The following YME1L1 variants were observed in gnomAD, a reference collection of about 807,000 sequenced individuals.
The protein encoded by YME1L1 is YME1 like 1 ATPase.
YME1L1 carries 39 observed loss-of-function variants against 90.4 expected under a neutral mutation model. The observed-to-expected ratio is 0.43, with a 90% CI of 0.33 to 0.56. The LOEUF (loss-of-function observed/expected upper bound fraction) is 0.56, where lower values mean the gene tolerates loss of function less well. Ranked by LOEUF, YME1L1 falls within the 20% of genes least tolerant of loss-of-function variation. The pLI is 0.03. For synonymous variants in YME1L1, 284 were observed against 287.3 expected (o/e 0.99, Z 0.12); for missense variants, 617 against 868.4 (o/e 0.71, Z 3.64).
chr10:27,137,644 G>A (rs1034681662), intron 4 of YME1L1, among the ~76,000 whole-genome samples: 29 of 151,894 alleles, frequency 1.9e-4, no homozygotes, highest in African/African-American at 6.8e-4. Flanking sequence ...AAGTCTGACG[G>A]GCAAAAATAA....
At chr10:27,150,907 T>C (rs1218478523) in intron 1 of YME1L1, among the ~76,000 whole-genome samples, 2 of 150,518 alleles carry the variant, frequency 1.3e-5, no homozygotes, top group Non-Finnish European at 2.9e-5. Context: ...TTTCACTTTA[T>C]AGACTCTCTC....
At chr10:27,126,079 T>TA (rs2056916402) in intron 9 of YME1L1, among the ~76,000 whole-genome samples, 1 of 152,126 alleles carries the variant, frequency 6.6e-6, no homozygotes, top group Non-Finnish European at 1.5e-5. Context: ...CTCAAATAGT[T>TA]AAAAATTTAT....
At chr10:27,141,224 C>T (rs1476601699) in intron 4 of YME1L1, among the ~76,000 whole-genome samples, 2 of 152,018 alleles carry the variant, frequency 1.3e-5, no homozygotes, top group Non-Finnish European at 2.9e-5. Context: ...GGTGAAACCC[C>T]GTCTCTACTA....
At chr10:27,148,783 G>A (rs1245753284) in intron 2 of YME1L1, 123 bp downstream of exon 2, 10 of 1,240,310 alleles carry the variant, frequency 8.1e-6, no homozygotes, top group African/African-American at 1.5e-5. Context: ...AGTTTCTCAG[G>A]AGTCAAAAAT....
chr10:27,148,839 C>T, intron 2 of YME1L1, 67 bp downstream of exon 2: 1 of 1,577,840 alleles, frequency 6.3e-7, no homozygotes, highest in Non-Finnish European at 8.6e-7. Flanking sequence ...ATCCTTAATC[C>T]TTCATTTGTT....
chr10:27,131,981 A>T, intron 7 of YME1L1, 40 bp from the exon 8 acceptor site: 1 of 1,514,880 alleles, frequency 6.6e-7, no homozygotes, highest in Non-Finnish European at 9.0e-7. Flanking sequence ...TGATAGATTA[A>T]TAACATTCCA....
intron 4 of YME1L1, among the ~76,000 whole-genome samples, chr10:27,139,995 T>A (rs916408210): frequency 1.1e-4 from 16 of 152,162 alleles, no homozygotes; most frequent in African/African-American, 3.9e-4. Flanking sequence ...TTATTTTCTA[T>A]CTTTATATCT....
chr10:27,121,396 C>T lies in YME1L1; in HGVS notation c.1288G>A (p.Ala430Thr). ...TCTTTTAATACTTACTTATCTAATGCCTCTGGGAAGTTTGTGGCTCCTATT... is the reference window on the plus strand; with the variant it reads ...TCTTTTAATACTTACTTATCTAATGTCTCTGGGAAGTTTGTGGCTCCTATT... ...IIIGATNFPEALDNALIRPGR... is the reference protein window; with the variant it reads ...IIIGATNFPETLDNALIRPGR... Residue 430 changes from alanine (A) to threonine (T), a missense_variant, in exon 12 of 19, where the codon GCA becomes ACA. By Grantham distance (58) the Ala-to-Thr change is moderately conservative (BLOSUM62 0). Coordinates refer to ENST00000376016, the MANE Select transcript of YME1L1 (RefSeq NM_014263.4). 1 of 1,605,844 alleles carries T rather than the reference C, an allele frequency of 6.2e-7. No individual in the cohort carries two copies. The highest frequency in any genetic ancestry group is 8.5e-7 in the Non-Finnish European group (1 of 1,172,746).
intron 7 of YME1L1, among the ~76,000 whole-genome samples, chr10:27,133,543 C>G (rs1162978196): frequency 6.6e-6 from 1 of 152,036 alleles, no homozygotes; most frequent in Non-Finnish European, 1.5e-5. Flanking sequence ...ATAGTTTTGG[C>G]CCACAAAGTA....
chr10:27,135,353 T>C (rs1230928617), intron 5 of YME1L1, among the ~76,000 whole-genome samples: 1 of 152,236 alleles, frequency 6.6e-6, no homozygotes, highest in Non-Finnish European at 1.5e-5. Flanking sequence ...CTTGGCCTTA[T>C]ATAAGTTCTG....
rs1338295347 is a variant in YME1L1 at position 27,145,323 on chromosome 10, A to G, written c.331+105T>C. The stretch of plus-strand genomic sequence containing the variant: ...AAACAAAAAAAAAACACTTCAGGAA[A>G]GAACCCAGCCCACAATAAACGCTAC... On this transcript the variant is annotated intron_variant, in intron 3 of 18. Transcript: ENST00000376016. 7 of 1,001,964 alleles carry G rather than the reference A, an allele frequency of 7.0e-6. No individual in the cohort carries two copies. The African/African-American group carries it at 9.9e-5, about 14-fold the overall frequency. The allele number at this position is 1,001,964 out of a possible 1,614,324, so 62.1% of individuals were successfully genotyped here. A position where few individuals can be genotyped will look rare whatever the true frequency, so the allele number is the denominator to read the frequency against.
At chr10:27,142,533 A>G (rs768982758) in intron 3 of YME1L1, 48 bp from the exon 4 acceptor site, 1 of 931,572 alleles carries the variant, frequency 1.1e-6, no homozygotes, top group South Asian at 2.2e-5. Flanking sequence ...CAAACCAAAA[A>G]ACAAAAATCC....
intron 8 of YME1L1, 55 bp from the exon 9 acceptor site, chr10:27,126,841 T>C (rs2056924923): frequency 2.1e-6 from 2 of 961,208 alleles, no homozygotes; most frequent in Non-Finnish European, 3.1e-6. Flanking sequence ...TTTGGTTAGA[T>C]TATCAAGGCT....
Position 27,126,781 on chromosome 10 carries a change from C to G in YME1L1, c.864G>C (p.Glu288Asp). ...CTTCCTGTAATTCTTGTTTAGCTTC[C>G]TCCACCTAAAGTGACACAATTTTCC... ...NVTFEHVKGVEEAKQELQEVV... is the reference protein window; with the variant it reads ...NVTFEHVKGVDEAKQELQEVV... Residue 288 changes from glutamate to aspartate, a missense_variant, in exon 9 of 19, where the codon GAG becomes GAC. Glu to Asp is a conservative substitution (Grantham distance 45). Transcript: ENST00000376016. 6.3e-7 allele frequency: 1 copy of G among 1,578,208 alleles called. No individual in the cohort carries two copies.
chr10:27,146,259 T>G (rs1011166161), intron 2 of YME1L1: 1 of 152,208 alleles, frequency 6.6e-6, no homozygotes, highest in Non-Finnish European at 1.5e-5. Flanking sequence ...TCCTCTGGCC[T>G]CATTGCTTAG....
chr10:27,117,944 T>C (rs10443968), intron 14 of YME1L1, among the ~76,000 whole-genome samples: 1,838 of 152,236 alleles, frequency 0.012, 22 homozygotes, highest in South Asian at 0.034. Context: ...TTACAGAGCA[T>C]TTATATTGTA....
chr10:27,114,693 G>A (rs1032277040), intron 17 of YME1L1, 86 bp from the exon 18 acceptor site: 17 of 958,544 alleles, frequency 1.8e-5, no homozygotes, highest in East Asian at 2.6e-5. Context: ...CTATATATAA[G>A]GAAACAAATA....
At chr10:27,147,806 A>T in intron 2 of YME1L1, 1 of 1,201,024 alleles carries the variant, frequency 8.3e-7, no homozygotes, top group East Asian at 2.6e-5. Context: ...TGGCGTGCAC[A>T]ATGGCCAGCA....
At chr10:27,114,671 G>A in intron 17 of YME1L1, 64 bp from the exon 18 acceptor site, 3 of 1,234,236 alleles carry the variant, frequency 2.4e-6, no homozygotes, top group Non-Finnish European at 2.3e-6. Context: ...ATTTGAAAGA[G>A]AAAGTACTAT....
Sources: gnomAD v4.1 joint callset for allele counts (sites outside exome capture counted in the v4.1 genomes callset) on GRCh38, gnomAD v4.1.1 for gene constraint, MANE v1.5 for transcripts, NCBI Gene and HGNC (gene_info 2026-07-23, HGNC 2026-07-21) for gene names.